GNG4: variants seen among roughly 807,000 people sequenced by gnomAD.
GNG4 encodes the protein G protein subunit gamma 4.
A neutral mutation model predicts 5.8 loss-of-function variants in GNG4; 4 were observed. That is an observed-to-expected ratio of 0.69 (90% confidence interval 0.34 to 1.57). The LOEUF (loss-of-function observed/expected upper bound fraction) is 1.57, where lower values mean the gene tolerates loss of function less well. Among genes scored for constraint, GNG4 ranks in the 40% most tolerant of loss-of-function variants. The probability of loss-of-function intolerance (pLI) is 0.06; values close to 1 mark genes in which losing one functional copy is unlikely to be tolerated. For missense variants in GNG4, 96 were observed against 95.1 expected (o/e 1.01, Z -0.04); for synonymous variants, 29 against 32.9 (o/e 0.88, Z 0.41).
intron 3 of GNG4, among the ~76,000 whole-genome samples, chr1:235,565,146 AT>A (rs914411346): frequency 6.6e-6 from 1 of 152,188 alleles, no homozygotes; most frequent in African/African-American, 2.4e-5. Context: ...CACTCGGGCC[AT>A]GGTGCTGGCA....
In GNG4 at chr1:235,586,369, G is replaced by A. The variant is rs1490367491; in HGVS notation, c.-10-2521C>T. On this transcript the variant is annotated intron_variant, in intron 2 of 3. Coordinates refer to ENST00000391854, the MANE Select transcript of GNG4 (RefSeq NM_001098722.2). ...CAGGCCTTGTGCCAGTCTGTGTGTG[G>A]CCATCTCTCCGTGTGTGTGTGTGTG... Among the ~76,000 whole-genome samples, 6 of 151,640 alleles carry A rather than the reference G, an allele frequency of 4.0e-5. No individual in the cohort carries two copies. In the South Asian group the frequency reaches 8.3e-4, roughly 21 times the overall value.
intron 1 of GNG4, among the ~76,000 whole-genome samples, chr1:235,598,371 A>C (rs552127455): frequency 1.3e-5 from 2 of 152,256 alleles, no homozygotes; most frequent in South Asian, 4.2e-4. Context: ...GTGCTTTGGG[A>C]ATCTGCAGCG....
chr1:235,576,915 G>T (rs2102934912), intron 3 of GNG4, among the ~76,000 whole-genome samples: 1 of 152,230 alleles, frequency 6.6e-6, no homozygotes, highest in Middle Eastern at 3.4e-3. Flanking sequence ...AGAACTTCAA[G>T]ACAATAATGA....
chr1:235,585,167 C>A (rs1257959422), intron 2 of GNG4, among the ~76,000 whole-genome samples: 1 of 151,796 alleles, frequency 6.6e-6, no homozygotes, highest in Non-Finnish European at 1.5e-5. Context: ...CTTCCCATCA[C>A]GTTGGACTCC....
rs1657379952 is a variant in GNG4, at chr1:235,642,994, G to GC, written c.-123+6667dup. 6.6e-6 allele frequency among the ~76,000 whole-genome samples: 1 copy of GC among 152,032 alleles called. No individual in the cohort carries two copies. The highest frequency in any genetic ancestry group is 6.5e-5 in the Admixed American group (1 of 15,270). On this transcript the variant is annotated intron_variant, in intron 1 of 3. Transcript: ENST00000391854. This position sits in a 1 kb window ranked among gnomAD's most constrained non-coding sequence, Gnocchi z 4.3. Reference sequence around the variant, plus strand: ...GATCCCAGACACCAGCCTCTCCCTGGCCCTCTGTTTCCAATCAGACGGCCA... The same window carrying GC: ...GATCCCAGACACCAGCCTCTCCCTGGCCCCTCTGTTTCCAATCAGACGGCCA...
At chr1:235,556,535 C>A (rs554852458) in intron 3 of GNG4, among the ~76,000 whole-genome samples, 1 of 129,562 alleles carries the variant, frequency 7.7e-6, no homozygotes, top group Non-Finnish European at 1.6e-5. Flanking sequence ...TCCAGCCTGG[C>A]GACAGAGTGA....
intron 1 of GNG4, among the ~76,000 whole-genome samples, chr1:235,608,034 C>T (rs1175913058): frequency 6.6e-6 from 1 of 151,584 alleles, no homozygotes; most frequent in African/African-American, 2.4e-5. Flanking sequence ...GCCTCCCAGG[C>T]TCAGGCCATT....
At chr1:235,565,845 C>T (rs1181449612) in intron 3 of GNG4, 1 of 152,210 alleles carries the variant, frequency 6.6e-6, no homozygotes, top group African/African-American at 2.4e-5. Flanking sequence ...ATCAGCCTCA[C>T]AGGTGACCTA....
chr1:235,570,394 C>CTTTTTTTTTTTTTTTTTT (rs11459490), intron 3 of GNG4, among the ~76,000 whole-genome samples: 1 of 105,556 alleles, frequency 9.5e-6, no homozygotes. Flanking sequence ...TTCACCTCTT[C>CTTTTTTTTTTTTTTTTTT]TTTTTTTTTT....
chr1:235,609,964 C>G (rs1261964105), intron 1 of GNG4, among the ~76,000 whole-genome samples: 3 of 152,152 alleles, frequency 2.0e-5, no homozygotes, highest in African/African-American at 7.2e-5. Context: ...CTTCTTATTT[C>G]CTACACAGAA....
chr1:235,628,445 A>C (rs900798525), intron 1 of GNG4, among the ~76,000 whole-genome samples: 1 of 151,926 alleles, frequency 6.6e-6, no homozygotes, highest in Non-Finnish European at 1.5e-5. Context: ...CCTAGAACAA[A>C]ATGGCCATTG....
intron 3 of GNG4, among the ~76,000 whole-genome samples, chr1:235,582,758 G>T (rs1687668039): frequency 6.6e-6 from 1 of 152,214 alleles, no homozygotes; most frequent in Non-Finnish European, 1.5e-5. Flanking sequence ...TGGGTCCGGT[G>T]ATACTGACTT....
At chr1:235,579,897 T>C (rs1426815821) in intron 3 of GNG4, among the ~76,000 whole-genome samples, 1 of 143,200 alleles carries the variant, frequency 7.0e-6, no homozygotes, top group Non-Finnish European at 1.5e-5. Flanking sequence ...TACCCTATGA[T>C]CCAGCAATTC....
intron 1 of GNG4, among the ~76,000 whole-genome samples, chr1:235,612,671 C>T (rs1419944719): frequency 6.6e-6 from 1 of 151,952 alleles, no homozygotes. Context: ...TACAGGTGCA[C>T]GCCACTACGC....
chr1:235,574,112 C>T (rs529176793), intron 3 of GNG4, among the ~76,000 whole-genome samples: 211 of 152,132 alleles, frequency 1.4e-3, no homozygotes, highest in Middle Eastern at 3.4e-3. Context: ...TAAACAAGTA[C>T]CTAATCTCAG....
intron 1 of GNG4, among the ~76,000 whole-genome samples, chr1:235,611,433 C>CA (rs1461804680): frequency 6.6e-6 from 1 of 152,140 alleles, no homozygotes; most frequent in Non-Finnish European, 1.5e-5. Context: ...CTTTGCCTAC[C>CA]AATGTGCTGG....
chr1:235,559,994 A>C (rs1011778601), intron 3 of GNG4, among the ~76,000 whole-genome samples: 1 of 152,222 alleles, frequency 6.6e-6, no homozygotes, highest in African/African-American at 2.4e-5. Flanking sequence ...TGACTTAACC[A>C]AGCCCGTTCA....
intron 1 of GNG4, among the ~76,000 whole-genome samples, chr1:235,601,428 T>A (rs937743524): frequency 1.3e-5 from 2 of 152,146 alleles, no homozygotes; most frequent in Non-Finnish European, 2.9e-5. Context: ...CGGCTCTCAG[T>A]GTATAACCAA....
chr1:235,583,388 T>C (rs1234335868), intron 3 of GNG4, among the ~76,000 whole-genome samples: 3 of 152,256 alleles, frequency 2.0e-5, no homozygotes, highest in African/African-American at 4.8e-5. Context: ...TCCGATGTTG[T>C]TGAACCTCAA....
Sources: gnomAD v4.1 joint callset for allele counts (sites outside exome capture counted in the v4.1 genomes callset) on GRCh38, gnomAD v4.1.1 for gene constraint, Gnocchi (gnomAD v3.1) non-coding constraint, MANE v1.5 for transcripts, NCBI Gene and HGNC (gene_info 2026-07-23, HGNC 2026-07-21) for gene names.